THSD7B: variants seen among roughly 807,000 people sequenced by gnomAD.
The protein encoded by THSD7B is thrombospondin type-1 domain-containing protein 7B.
A neutral mutation model predicts 213.6 loss-of-function variants in THSD7B; 138 were observed. The observed-to-expected ratio is 0.65, with a 90% confidence interval of 0.56 to 0.74. The LOEUF (loss-of-function observed/expected upper bound fraction) is 0.74, where lower values mean the gene tolerates loss of function less well. Among genes scored for constraint, THSD7B ranks in the 30% least tolerant of loss-of-function variants. The pLI, the probability that THSD7B is intolerant of heterozygous loss-of-function variation, is 0.00. For missense variants in THSD7B, 1,931 were observed against 1,991.5 expected (o/e 0.97, Z 0.58); for synonymous variants, 742 against 687.0 (o/e 1.08, Z -1.25).
chr2:137,394,973 T>C lies in THSD7B; in HGVS notation c.2501-10640T>C, dbSNP rs1574002998. Among the ~76,000 whole-genome samples the C allele has an allele frequency of 1.4e-5, 2 of 147,478 alleles. 1 individual carries two copies. The highest frequency in any genetic ancestry group is 5.1e-5 in the African/African-American group (2 of 38,852). On this transcript the variant is annotated intron_variant, in intron 12 of 27. Transcript: ENST00000409968. ...ATTTGGCTCTCTGTTTGTCTGTTAT[T>C]GGTGTATAAGAATGCTTGTGATTTT...
At chr2:137,014,516 C>A (rs976948598) in intron 2 of THSD7B, among the ~76,000 whole-genome samples, 1 of 152,164 alleles carries the variant, frequency 6.6e-6, no homozygotes, top group African/African-American at 2.4e-5. Context: ...AGAGCCATGT[C>A]TGTTTTCTTA....
At chr2:137,070,131 T>A (rs1298791372) in intron 3 of THSD7B, among the ~76,000 whole-genome samples, 1 of 151,984 alleles carries the variant, frequency 6.6e-6, no homozygotes, top group Non-Finnish European at 1.5e-5. Context: ...ACCAACTTCC[T>A]TATTTTCCAT....
chr2:136,822,156 G>A (rs1428051765), intron 1 of THSD7B, among the ~76,000 whole-genome samples: 26 of 152,090 alleles, frequency 1.7e-4, no homozygotes, highest in Non-Finnish European at 1.5e-5. Flanking sequence ...TGCCTTTTAC[G>A]TTCTCTGAAT....
chr2:137,579,928 C>G (rs73958901), intron 17 of THSD7B, among the ~76,000 whole-genome samples: 37,314 of 151,854 alleles, frequency 0.25, 4,723 homozygotes, highest in South Asian at 0.35. Context: ...GTTTTATATA[C>G]TCTTCCATAT....
intron 2 of THSD7B, among the ~76,000 whole-genome samples, chr2:136,984,354 T>A (rs563085370): frequency 1.3e-5 from 2 of 152,336 alleles, no homozygotes; most frequent in South Asian, 4.1e-4. Flanking sequence ...CCTCCATGAA[T>A]GGTTTAGCAC....
intron 5 of THSD7B, among the ~76,000 whole-genome samples, chr2:137,132,145 G>A (rs1410514352): frequency 1.2e-4 from 18 of 150,154 alleles, no homozygotes; most frequent in African/African-American, 4.1e-4. Flanking sequence ...TGAAGCAATT[G>A]TGAATGGCAG....
rs572933662 is a variant in THSD7B, at chr2:137,375,453, T to C, written c.2501-30160T>C. On this transcript the variant is annotated intron_variant, in intron 12 of 27. Transcript: ENST00000409968. The stretch of plus-strand genomic sequence containing the variant: ...GCCTTTCAATAGCAGGCTTCCCTAT[T>C]GCATTAAAATAAATTCATTTCCTTC... 5.3e-5 allele frequency among the ~76,000 whole-genome samples: 8 copies of C among 152,324 alleles called. No individual in the cohort carries two copies. In the South Asian group the frequency reaches 1.7e-3, roughly 32 times the overall value.
intron 5 of THSD7B, among the ~76,000 whole-genome samples, chr2:137,117,742 A>G (rs377609796): frequency 6.6e-6 from 1 of 152,156 alleles, no homozygotes; most frequent in Non-Finnish European, 1.5e-5. Flanking sequence ...GGGGGGGAAA[A>G]ACAGACTTCA....
At chr2:137,098,597 G>A (rs1215494650) in intron 4 of THSD7B, among the ~76,000 whole-genome samples, 3 of 152,118 alleles carry the variant, frequency 2.0e-5, no homozygotes, top group African/African-American at 7.2e-5. Flanking sequence ...ATTTGAGGAG[G>A]TAGGAAAATC....
At chr2:137,138,160 C>T in intron 5 of THSD7B, among the ~76,000 whole-genome samples, 1 of 152,090 alleles carries the variant, frequency 6.6e-6, no homozygotes, top group East Asian at 1.9e-4. Context: ...TCTCAAAGTG[C>T]TAAGGCATGA....
intron 14 of THSD7B, among the ~76,000 whole-genome samples, chr2:137,435,459 T>C (rs1687272170): frequency 2.0e-5 from 3 of 152,228 alleles, no homozygotes; most frequent in African/African-American, 7.2e-5. Flanking sequence ...TGAATCACTA[T>C]GCACAGAGAT....
intron 12 of THSD7B, among the ~76,000 whole-genome samples, chr2:137,363,942 A>T (rs908482830): frequency 1.3e-5 from 2 of 152,218 alleles, no homozygotes; most frequent in South Asian, 2.1e-4. Context: ...AACAAAAAAA[A>T]GAGAATTTTA....
chr2:137,117,420 A>C (rs1359637445), intron 5 of THSD7B, among the ~76,000 whole-genome samples: 4 of 152,196 alleles, frequency 2.6e-5, no homozygotes, highest in Admixed American at 2.6e-4. Context: ...ATAAAGGCCA[A>C]AATTGGATAC....
chr2:137,114,529 T>TA (rs1227536890), intron 4 of THSD7B, among the ~76,000 whole-genome samples: 1 of 152,214 alleles, frequency 6.6e-6, no homozygotes. Flanking sequence ...GCTGCATATG[T>TA]AAAAAAGTAT....
intron 7 of THSD7B, among the ~76,000 whole-genome samples, chr2:137,192,539 A>T (rs745641358): frequency 2.6e-5 from 4 of 152,184 alleles, no homozygotes; most frequent in Non-Finnish European, 5.9e-5. Flanking sequence ...CTAAGTAGAA[A>T]GAATTGTGAA....
chr2:137,527,056 G>T (rs1304883914), intron 15 of THSD7B, among the ~76,000 whole-genome samples: 1 of 152,132 alleles, frequency 6.6e-6, no homozygotes, highest in Non-Finnish European at 1.5e-5. Flanking sequence ...GATATGAATT[G>T]CTGGAAGGAA....
rs372686607 is a variant in THSD7B at position 137,626,179 on chromosome 2, G to T, written c.3799+5453G>T. 1.2e-3 allele frequency among the ~76,000 whole-genome samples: 177 copies of T among 152,188 alleles called. 1 individual carries two copies. Among genetic ancestry groups the T allele is most frequent in the African/African-American group, 4.1e-3 (172 of 41,522 alleles). On this transcript the variant is annotated intron_variant, in intron 20 of 27. Transcript: ENST00000409968. ...GTGAAGATCTTTAAAATGCCTTTAG[G>T]GGGCCAGGCGCGGTGGCTCACGCCT... is the stretch of plus-strand genomic sequence containing the variant.
intron 2 of THSD7B, among the ~76,000 whole-genome samples, chr2:137,031,728 G>A (rs1669486581): frequency 6.6e-6 from 1 of 151,574 alleles, no homozygotes; most frequent in Admixed American, 6.6e-5. Flanking sequence ...TCAAAAAGAA[G>A]CATAACAAAA....
At chr2:137,609,047 A>C (rs1682239690) in intron 17 of THSD7B, among the ~76,000 whole-genome samples, 1 of 152,218 alleles carries the variant, frequency 6.6e-6, no homozygotes, top group South Asian at 2.1e-4. Context: ...TAATCTCATT[A>C]AACTCATTAG....
Sources: gnomAD v4.1 joint callset for allele counts (sites outside exome capture counted in the v4.1 genomes callset) on GRCh38, gnomAD v4.1.1 for gene constraint, MANE v1.5 for transcripts, NCBI Gene and HGNC (gene_info 2026-07-23, HGNC 2026-07-21) for gene names.